MTOR: variants seen among roughly 807,000 people sequenced by gnomAD.
MTOR encodes mechanistic target of rapamycin kinase, also known as serine/threonine-protein kinase mTOR.
Under a neutral mutation model 319.8 loss-of-function variants are expected in MTOR, and 70 were observed. The observed-to-expected ratio is 0.22, with a 90% CI of 0.18 to 0.27. The LOEUF (loss-of-function observed/expected upper bound fraction) is 0.27, where lower values mean the gene tolerates loss of function less well. MTOR is among the 10% of genes least tolerant of loss of function. The pLI is 1.00. For missense variants in MTOR, 1,890 were observed against 3,274.4 expected (o/e 0.58, Z 10.32); for synonymous variants, 1,183 against 1,211.4 (o/e 0.98, Z 0.49).
At chr1:11,130,508 T>C (rs2100429083) in intron 39 of MTOR, 21 bp downstream of exon 39, 3 of 1,603,670 alleles carry the variant, frequency 1.9e-6, no homozygotes, top group Non-Finnish European at 2.6e-6. Flanking sequence ...TGGTTGTTAA[T>C]AAGGAAGAAG....
intron 30 of MTOR, among the ~76,000 whole-genome samples, chr1:11,152,899 A>G (rs1276003050): frequency 6.6e-6 from 1 of 152,190 alleles, no homozygotes; most frequent in Admixed American, 6.5e-5. Context: ...AGTCTCCCAC[A>G]TTCTTAAATC....
chr1:11,225,230 T>C (rs1293945936), intron 19 of MTOR, among the ~76,000 whole-genome samples: 2 of 152,108 alleles, frequency 1.3e-5, no homozygotes, highest in African/African-American at 4.8e-5. Flanking sequence ...ATTTTAAATT[T>C]TCCCCCCACA....
chr1:11,133,218 C>T lies in MTOR; in HGVS notation c.5247-21G>A, dbSNP rs1643245580. On this transcript the variant is annotated intron_variant, in intron 37 of 57. Coordinates refer to ENST00000361445, the MANE Select transcript of MTOR (RefSeq NM_004958.4). The surrounding 1 kb of genome is among the most constrained non-coding windows in gnomAD (Gnocchi z 4.0). The stretch of plus-strand genomic sequence containing the variant: ...AGCATCTGGAAGCAGAGAAACAAGC[C>T]CCCATGACATTCCCTCCTCAAAACA... The T allele has an allele frequency of 3.7e-6, 6 of 1,605,284 alleles. No individual in the cohort carries two copies. Among genetic ancestry groups the T allele is most frequent in the Non-Finnish European group, 5.1e-6 (6 of 1,172,058 alleles).
At chr1:11,222,788 A>G (rs1646711883) in intron 19 of MTOR, among the ~76,000 whole-genome samples, 1 of 152,024 alleles carries the variant, frequency 6.6e-6, no homozygotes, top group Admixed American at 6.6e-5. Flanking sequence ...ATATATAAGT[A>G]AGAAAATCAC....
chr1:11,246,913 T>A (rs1479581034), intron 8 of MTOR, among the ~76,000 whole-genome samples: 1 of 152,228 alleles, frequency 6.6e-6, no homozygotes, highest in Non-Finnish European at 1.5e-5. Context: ...TGGTTTCCAC[T>A]TATTAGGGCT....
chr1:11,120,183 C>T (rs1206743654), intron 49 of MTOR, among the ~76,000 whole-genome samples: 1 of 151,878 alleles, frequency 6.6e-6, no homozygotes, highest in Admixed American at 6.6e-5. Flanking sequence ...TTCAAATGAT[C>T]CTTCCGAGTA....
rs1459951800 is a variant in MTOR, at chr1:11,212,809, G to A, written c.3385C>T (p.Leu1129=). Residue 1129 remains leucine, a synonymous_variant, in exon 22 of 58, where the codon CTG becomes TTG. Transcript: ENST00000361445. This position sits in a 1 kb window ranked among gnomAD's most constrained non-coding sequence, Gnocchi z 4.1. The part of the protein sequence containing the change: ...VKLFDAPEAP[L]PSRKAALETV... The stretch of plus-strand genomic sequence containing the variant: ...GGAGGTGCTCACTTTCGAGATGGCA[G>A]TGGAGCTTCAGGGGCATCAAACAAC... 6.2e-7 allele frequency: 1 copy of A among 1,613,662 alleles called. No homozygotes were observed. Among genetic ancestry groups the A allele is most frequent in the South Asian group, 1.1e-5 (1 of 91,054 alleles).
chr1:11,260,882 C>T (rs1192051751), intron 1 of MTOR, among the ~76,000 whole-genome samples: 4 of 151,342 alleles, frequency 2.6e-5, no homozygotes, highest in African/African-American at 9.7e-5. Context: ...ATCCACCTCC[C>T]GGGTTCAAAT....
At chr1:11,254,042 C>T in intron 5 of MTOR, 69 bp from the exon 6 acceptor site, 4 of 1,583,348 alleles carry the variant, frequency 2.5e-6, no homozygotes, top group African/African-American at 2.7e-5. Flanking sequence ...AGGCCCATCC[C>T]ATCTACACTG....
intron 54 of MTOR, 80 bp downstream of exon 54, chr1:11,112,772 C>T (rs1038691430): frequency 1.4e-6 from 2 of 1,436,552 alleles, no homozygotes; most frequent in Non-Finnish European, 2.0e-6. Flanking sequence ...GGGATGCACC[C>T]ACCGACTGAA....
At chr1:11,186,017 AGCTTCCAGTGAGCCAAGATCGTGCCACT>A (rs1645307902) in intron 28 of MTOR, among the ~76,000 whole-genome samples, 1 of 142,870 alleles carries the variant, frequency 7.0e-6, no homozygotes. Flanking sequence ...CGGGAGGCAG[AGCTTCCAGTGAGCCAAGATCGTGCCACT>A]GCACTCCAGC....
chr1:11,186,343 C>T (rs753852565), intron 28 of MTOR, among the ~76,000 whole-genome samples: 4 of 152,096 alleles, frequency 2.6e-5, no homozygotes, highest in East Asian at 1.9e-4. Context: ...CTAGGTGCTC[C>T]CCTGCCCTGT....
intron 46 of MTOR, among the ~76,000 whole-genome samples, chr1:11,125,732 GAAAA>G (rs567989861): frequency 8.8e-6 from 1 of 113,746 alleles, no homozygotes; most frequent in Admixed American, 9.5e-5. Flanking sequence ...CTGTCTTGGG[GAAAA>G]AAAAAAAAAA....
rs548857037 is a variant in MTOR, at chr1:11,200,705, A to C, written c.3945-1002T>G. Among the ~76,000 whole-genome samples, 85 of 152,326 alleles carry C rather than the reference A, an allele frequency of 5.6e-4. 1 individual carries two copies. Among genetic ancestry groups the C allele is most frequent in the African/African-American group, 2.0e-3 (82 of 41,582 alleles). ...AATCCAAAGGATCAAATGAAGACCA[A>C]AAAAAGTCTGTTATAAATTTAAAAA... On this transcript the variant is annotated intron_variant, in intron 26 of 57. Coordinates refer to ENST00000361445, the MANE Select transcript of MTOR (RefSeq NM_004958.4).
In MTOR at chr1:11,127,522, G is replaced by A. The variant is rs928088781; in HGVS notation, c.6216+102C>T. 1 of 1,363,546 alleles carries A rather than the reference G, an allele frequency of 7.3e-7. No individual in the cohort carries two copies. The allele number at this position is 1,363,546 out of a possible 1,614,324, so 84.5% of individuals were successfully genotyped here. A position where few individuals can be genotyped will look rare whatever the true frequency, so the allele number is the denominator to read the frequency against. ...GAAAAGAAATCTGACAAAGGCCTTG[G>A]GTCACGTCCTTTCATTCTATAAAAA... On this transcript the variant is annotated intron_variant, in intron 44 of 57. Transcript: ENST00000361445. The surrounding 1 kb of genome is among the most constrained non-coding windows in gnomAD (Gnocchi z 5.5).
At position 11,258,565 on chromosome 1, in the gene MTOR, T is replaced by A; in HGVS notation, c.191A>T (p.Tyr64Phe). The A allele has an allele frequency of 6.2e-7, 1 of 1,613,946 alleles. No homozygotes were observed. The highest frequency in any genetic ancestry group is 8.5e-7 in the Non-Finnish European group (1 of 1,179,910). ...EMSQEESTRF[Y>F]DQLNHHIFEL... Reference sequence around the variant, plus strand: ...AAAAATGTGATGGTTCAGTTGGTCATAGAAGCGAGTAGACTCCTCTTGACT... The same window carrying A: ...AAAAATGTGATGGTTCAGTTGGTCAAAGAAGCGAGTAGACTCCTCTTGACT... Residue 64 changes from tyrosine (Y) to phenylalanine (F), a missense_variant, in exon 3 of 58, where the codon TAT becomes TTT. This residue lies in a region of MTOR where 85 missense variants were observed against 105.8 expected (regional missense o/e 0.80). Coordinates refer to ENST00000361445, the MANE Select transcript of MTOR (RefSeq NM_004958.4).
chr1:11,233,617 A>G (rs1647096455), intron 14 of MTOR, 130 bp from the exon 15 acceptor site: 3 of 685,388 alleles, frequency 4.4e-6, no homozygotes, highest in Non-Finnish European at 7.4e-6. Context: ...TTATGAATCC[A>G]AGATTTCTCT....
rs17036490 is a variant in MTOR, at chr1:11,193,588, T to C, written c.4253+5670A>G. 3,370 of 1,590,170 alleles carry C rather than the reference T, an allele frequency of 2.1e-3. 55 individuals carry two copies. The African/African-American group carries it at 0.037, about 17-fold the overall frequency. The stretch of plus-strand genomic sequence containing the variant: ...TATCCCCTCTGCTTCAGGTGTTCTG[T>C]GACATGGAGACTTCAGGCGGAGGCT... On this transcript the variant is annotated intron_variant, in intron 28 of 57. Coordinates refer to ENST00000361445, the MANE Select transcript of MTOR (RefSeq NM_004958.4).
intron 1 of MTOR, among the ~76,000 whole-genome samples, chr1:11,260,470 A>G (rs1408893979): frequency 6.6e-6 from 1 of 151,980 alleles, no homozygotes; most frequent in Non-Finnish European, 1.5e-5. Flanking sequence ...TGAACCCAGG[A>G]GGCAGAGGTT....
Sources: allele counts gnomAD v4.1 joint callset (sites outside exome capture counted in the v4.1 genomes callset), GRCh38; gene constraint gnomAD v4.1.1; regional missense constraint gnomAD v4.1.1; non-coding constraint Gnocchi (gnomAD v3.1); transcripts MANE v1.5; gene names NCBI Gene and HGNC (gene_info 2026-07-23, HGNC 2026-07-21).